The following ACACB variants were observed in gnomAD, a reference collection of about 807,000 sequenced individuals.
ACACB encodes the protein acetyl-CoA carboxylase beta, also known as acetyl-CoA carboxylase 2.
A neutral mutation model predicts 278.8 loss-of-function variants in ACACB; 209 were observed. The ratio of observed to expected loss-of-function variants is 0.75; its 90% CI spans 0.67 to 0.84. ACACB has a LOEUF of 0.84. ACACB is among the 40% of genes least tolerant of loss of function. The pLI, the probability that ACACB is intolerant of heterozygous loss-of-function variation, is 0.00. For synonymous variants in ACACB, 1,174 were observed against 1,285.6 expected, an observed-to-expected ratio of 0.91 and a Z score of 1.86; for missense variants, 2,850 against 3,269.0, an observed-to-expected ratio of 0.87 and a Z score of 3.13.
Position 109,191,885 on chromosome 12 carries a change from G to C in ACACB, c.2334G>C (p.Gly778=). 6.2e-7 allele frequency: 1 copy of C among 1,614,146 alleles called. No individual in the cohort carries two copies. Among genetic ancestry groups the C allele is most frequent in the Non-Finnish European group, 8.5e-7 (1 of 1,180,032 alleles). The change falls in exon 15 of 53, where the codon GGG becomes GGC. Residue 778 remains glycine (G), a synonymous_variant. Transcript: ENST00000338432. ...KPDIMLGVVC[G]ALNVADAMFR... Reference sequence around the variant, plus strand: ...ATATCATGCTTGGGGTGGTATGCGGGGCCTTGAACGTGGCCGATGCGATGT... The same window carrying C: ...ATATCATGCTTGGGGTGGTATGCGGCGCCTTGAACGTGGCCGATGCGATGT...
At chr12:109,156,607 G>GCA (rs1565870483) in intron 2 of ACACB, among the ~76,000 whole-genome samples, 1 of 48,128 alleles carries the variant, frequency 2.1e-5, no homozygotes, top group East Asian at 3.3e-4. Flanking sequence ...TTTTTTTTGG[G>GCA]GGGGGGCTAT....
intron 27 of ACACB, 78 bp from the exon 28 acceptor site, chr12:109,227,293 C>A: frequency 1.6e-6 from 2 of 1,258,464 alleles, no homozygotes; most frequent in Non-Finnish European, 2.3e-6. Context: ...GGTACCTGTT[C>A]CCCGTGAGTG....
At chr12:109,135,288 C>T (rs746714986) in intron 1 of ACACB, among the ~76,000 whole-genome samples, 17 of 152,098 alleles carry the variant, frequency 1.1e-4, no homozygotes, top group Non-Finnish European at 2.2e-4. Context: ...TGTTGAATAT[C>T]TTTTCATCTA....
At chr12:109,218,175 C>T (rs963296475) in intron 24 of ACACB, among the ~76,000 whole-genome samples, 16 of 152,158 alleles carry the variant, frequency 1.1e-4, no homozygotes, top group African/African-American at 3.6e-4. Flanking sequence ...TTTCTCTTTC[C>T]ACTCGATGAT....
Position 109,237,153 on chromosome 12 carries a change from G to C in ACACB, c.4447-12G>C. The C allele has an allele frequency of 5.0e-6, 8 of 1,613,962 alleles. No homozygotes were observed. The highest frequency in any genetic ancestry group is 6.8e-6 in the Non-Finnish European group (8 of 1,179,914). On this transcript the variant is annotated splice_polypyrimidine_tract_variant and intron_variant, in intron 33 of 52. Coordinates refer to ENST00000338432, the MANE Select transcript of ACACB (RefSeq NM_001093.4). Reference sequence around the variant, plus strand: ...TGTATGTGTCTGTCTTCTCTCTCTGGTCCGCCTACAGTTTGCAGAAGATCG... The same window carrying C: ...TGTATGTGTCTGTCTTCTCTCTCTGCTCCGCCTACAGTTTGCAGAAGATCG...
intron 35 of ACACB, among the ~76,000 whole-genome samples, chr12:109,240,297 G>A (rs929200868): frequency 1.3e-5 from 2 of 152,132 alleles, no homozygotes; most frequent in African/African-American, 4.8e-5. Flanking sequence ...GGGGAGAGAC[G>A]TGAGACCGTG....
intron 48 of ACACB, 107 bp from the exon 49 acceptor site, chr12:109,262,250 C>T (rs751020737): frequency 1.2e-6 from 1 of 804,752 alleles, no homozygotes; most frequent in Non-Finnish European, 2.1e-6. Flanking sequence ...TGAGGACTGA[C>T]ACCCAGATCT....
rs386377714 is a variant in ACACB, at chr12:109,140,890, C to CTTTTTTTT, written c.653+849_653+856dup. Among the ~76,000 whole-genome samples, 112 of 86,742 alleles carry CTTTTTTTT rather than the reference C, an allele frequency of 1.3e-3. 3 individuals are homozygous for CTTTTTTTT. The highest frequency in any genetic ancestry group is 2.5e-3 in the East Asian group (5 of 2,026). 56.9% of individuals were successfully genotyped at this position (86,742 alleles called of 152,430 possible). A position where few individuals can be genotyped will look rare whatever the true frequency, so the allele number is the denominator to read the frequency against. ...CTGAAGAGACATTGATTCATTCATT[C>CTTTTTTTT]TTTTTTTTTTTTTTTTTTTTTTTTG... On this transcript the variant is annotated intron_variant, in intron 2 of 52. Transcript: ENST00000338432.
chr12:109,221,317 T>C (rs990679395), intron 24 of ACACB, among the ~76,000 whole-genome samples: 1 of 152,120 alleles, frequency 6.6e-6, no homozygotes, highest in Non-Finnish European at 1.5e-5. Flanking sequence ...AGACCAGTCT[T>C]AGTGGATGCC....
At chr12:109,163,943 T>C (rs1352750865) in intron 2 of ACACB, among the ~76,000 whole-genome samples, 1 of 152,152 alleles carries the variant, frequency 6.6e-6, no homozygotes, top group Non-Finnish European at 1.5e-5. Flanking sequence ...AGCCACCATG[T>C]TCAGCCCATC....
chr12:109,156,235 T>G (rs1213076950), intron 2 of ACACB, among the ~76,000 whole-genome samples: 1 of 151,838 alleles, frequency 6.6e-6, no homozygotes, highest in Non-Finnish European at 1.5e-5. Context: ...ACCCCATCTC[T>G]GAAAAAAAAT....
At position 109,210,496 on chromosome 12, in the gene ACACB, T is replaced by C. The variant is rs151032800; in HGVS notation, c.3249+1143T>C. On this transcript the variant is annotated intron_variant, in intron 21 of 52. Coordinates refer to ENST00000338432, the MANE Select transcript of ACACB (RefSeq NM_001093.4). Reference sequence around the variant, plus strand: ...ACATGTGTATATGTGTATATATACATGTATGTGTATATACGCACATACATG... The same window carrying C: ...ACATGTGTATATGTGTATATATACACGTATGTGTATATACGCACATACATG... 3.4e-3 allele frequency among the ~76,000 whole-genome samples: 504 copies of C among 148,536 alleles called. 9 individuals carry two copies. The highest frequency in any genetic ancestry group is 0.012 in the African/African-American group (485 of 40,660).
intron 11 of ACACB, 62 bp from the exon 12 acceptor site, chr12:109,185,500 CATCTACCACTGTGCCTG>C (rs1440737846): frequency 1.3e-6 from 2 of 1,490,966 alleles, no homozygotes; most frequent in African/African-American, 2.8e-5. Flanking sequence ...ACCTCCGTTG[CATCTACCACTGTGCCTG>C]GTGTTTTGGG....
intron 24 of ACACB, among the ~76,000 whole-genome samples, chr12:109,218,037 C>T (rs1040497440): frequency 2.0e-5 from 3 of 152,198 alleles, no homozygotes; most frequent in Non-Finnish European, 4.4e-5. Flanking sequence ...CAAGGGCACC[C>T]AGCTCCTAAA....
intron 3 of ACACB, chr12:109,167,256 G>GC: frequency 2.4e-6 from 1 of 421,400 alleles, no homozygotes; most frequent in South Asian, 2.8e-5. Context: ...AGTGTTAAGG[G>GC]TGATCACAAT....
chr12:109,170,569 A>C (rs2044077094), intron 4 of ACACB, among the ~76,000 whole-genome samples: 1 of 152,210 alleles, frequency 6.6e-6, no homozygotes, highest in South Asian at 2.1e-4. Context: ...CAAATACTGC[A>C]TGATTCCATG....
At position 109,210,527 on chromosome 12, in the gene ACACB, A is replaced by ATG. The variant is rs1229709364; in HGVS notation, c.3249+1178_3249+1179dup. 7.4e-5 allele frequency among the ~76,000 whole-genome samples: 11 copies of ATG among 148,790 alleles called. No homozygotes were observed. The East Asian group carries it at 1.2e-3, about 16-fold the overall frequency. On this transcript the variant is annotated intron_variant, in intron 21 of 52. Coordinates refer to ENST00000338432, the MANE Select transcript of ACACB (RefSeq NM_001093.4). ...TGTATATACGCACATACATGTGTATATGTGTATATATACGTGCATGTATAT... is the reference window on the plus strand; with the variant it reads ...TGTATATACGCACATACATGTGTATATGTGTGTATATATACGTGCATGTATAT...
intron 15 of ACACB, 135 bp from the exon 16 acceptor site, chr12:109,193,513 C>T: frequency 1.4e-6 from 1 of 703,074 alleles, no homozygotes; most frequent in Non-Finnish European, 2.5e-6. Flanking sequence ...CCATTGCGCC[C>T]AGCCCAGGCT....
At chr12:109,218,531 G>A (rs992290498) in intron 24 of ACACB, among the ~76,000 whole-genome samples, 1 of 151,754 alleles carries the variant, frequency 6.6e-6, no homozygotes, top group Non-Finnish European at 1.5e-5. Context: ...GCCGATAATA[G>A]CAGTCTTTTA....
Sources: gnomAD v4.1 joint callset for allele counts (sites outside exome capture counted in the v4.1 genomes callset) on GRCh38, gnomAD v4.1.1 for gene constraint, MANE v1.5 for transcripts, NCBI Gene and HGNC (gene_info 2026-07-23, HGNC 2026-07-21) for gene names.